PPARGC1A: variants seen among roughly 807,000 people sequenced by gnomAD.
PPARGC1A encodes PPARG coactivator 1 alpha, also known as peroxisome proliferator-activated receptor gamma coactivator 1-alpha.
A neutral mutation model predicts 88.7 loss-of-function variants in PPARGC1A; 25 were observed. The ratio of observed to expected loss-of-function variants is 0.28; its 90% CI spans 0.21 to 0.39. The LOEUF (loss-of-function observed/expected upper bound fraction) is 0.39. Ranked by LOEUF, PPARGC1A falls within the 10% of genes least tolerant of loss-of-function variation. PPARGC1A has a pLI of 1.00. For synonymous variants in PPARGC1A, 363 were observed against 355.6 expected (o/e 1.02, Z -0.24); for missense variants, 880 against 968.7 (o/e 0.91, Z 1.22).
chr4:23,968,696 C>T, the PPARGC1A span, among the ~76,000 whole-genome samples: 5 of 152,088 alleles, frequency 3.3e-5, no homozygotes, highest in African/African-American at 1.2e-4. Flanking sequence ...AGGAGGATCA[C>T]CTGAGGTCAG....
At chr4:24,104,174 G>A in the PPARGC1A span, among the ~76,000 whole-genome samples, 1 of 152,244 alleles carries the variant, frequency 6.6e-6, no homozygotes, top group Non-Finnish European at 1.5e-5. Flanking sequence ...CTAGTGAGAT[G>A]TTTAAGCAGC....
At chr4:24,061,419 G>A in the PPARGC1A span, among the ~76,000 whole-genome samples, 1 of 152,188 alleles carries the variant, frequency 6.6e-6, no homozygotes, top group South Asian at 2.1e-4. Flanking sequence ...CACATAAAAT[G>A]CCTGGCGACA....
the PPARGC1A span, among the ~76,000 whole-genome samples, chr4:24,295,702 ATTATATACAC>A: frequency 6.7e-6 from 1 of 149,988 alleles, no homozygotes; most frequent in Non-Finnish European, 1.5e-5. Flanking sequence ...TATACATTAC[ATTATATACAC>A]ATATACGTAT....
the PPARGC1A span, among the ~76,000 whole-genome samples, chr4:24,084,066 G>A: frequency 6.6e-6 from 1 of 152,140 alleles, no homozygotes; most frequent in Non-Finnish European, 1.5e-5. Flanking sequence ...GCTGATCAGT[G>A]GGTAACCAGC....
At chr4:24,363,890 C>T in the PPARGC1A span, among the ~76,000 whole-genome samples, 1 of 152,118 alleles carries the variant, frequency 6.6e-6, no homozygotes, top group Non-Finnish European at 1.5e-5. Flanking sequence ...TCCATGACTG[C>T]CTTTATGAGT....
chr4:24,339,048 C>T, the PPARGC1A span, among the ~76,000 whole-genome samples: 1 of 151,912 alleles, frequency 6.6e-6, no homozygotes, highest in Non-Finnish European at 1.5e-5. Flanking sequence ...ATTGCTATCC[C>T]TCCCTCCCGT....
intron 2 of PPARGC1A, among the ~76,000 whole-genome samples, chr4:23,863,169 T>G (rs900536908): frequency 6.6e-6 from 1 of 152,082 alleles, no homozygotes; most frequent in Non-Finnish European, 1.5e-5. Flanking sequence ...GCCATATGCA[T>G]TCCTTCCTTT....
chr4:23,864,393 C>T (rs7656250), intron 2 of PPARGC1A, among the ~76,000 whole-genome samples: 119,246 of 152,208 alleles, frequency 0.78, 47,115 homozygotes, highest in African/African-American at 0.89. Context: ...TCATGGTTTC[C>T]GGCAAAATTC....
chr4:23,897,458 C>G (rs1718730454), intron 1 of PPARGC1A, among the ~76,000 whole-genome samples: 1 of 152,134 alleles, frequency 6.6e-6, no homozygotes, highest in Non-Finnish European at 1.5e-5. Context: ...CCTCGGTTTC[C>G]TTATCTGTCA....
chr4:23,857,856 A>G (rs142924772), intron 2 of PPARGC1A, among the ~76,000 whole-genome samples: 92 of 151,892 alleles, frequency 6.1e-4, no homozygotes, highest in African/African-American at 2.1e-3. Flanking sequence ...TCTTTTAGGT[A>G]CTAAGCCTAG....
chr4:23,890,217 T>TA (rs35965035), upstream of PPARGC1A: 280 of 328,968 alleles, frequency 8.5e-4, no homozygotes, highest in East Asian at 4.2e-3. Flanking sequence ...AGTAACGCTT[T>TA]AAAAAAAAAA....
the PPARGC1A span, among the ~76,000 whole-genome samples, chr4:24,465,481 T>C: frequency 6.6e-6 from 1 of 152,202 alleles, no homozygotes; most frequent in African/African-American, 2.4e-5. Context: ...CTGTACACAT[T>C]TACCTCTTCG....
chr4:24,220,168 A>G, the PPARGC1A span, among the ~76,000 whole-genome samples: 3 of 152,232 alleles, frequency 2.0e-5, no homozygotes, highest in East Asian at 3.8e-4. Context: ...CAAAACCTCA[A>G]TGAGATACCA....
rs1553886173 is a variant in PPARGC1A at position 23,835,466 on chromosome 4, T to TTTTG, written c.235-3716_235-3715insCAAA. ...TAAGATGGGAGATTAGCATGGCGGC[T>TTTTG]TGTGTGTGTGTGTGTGTGTGTGTGT... On this transcript the variant is annotated intron_variant, in intron 2 of 12. Transcript: ENST00000264867. 3.0e-5 allele frequency among the ~76,000 whole-genome samples: 4 copies of TTTTG among 135,368 alleles called. No homozygotes were observed. In the South Asian group the frequency reaches 1.1e-3, roughly 36 times the overall value. The allele number at this position is 135,368 out of a possible 152,430, so 88.8% of individuals were successfully genotyped here.
At chr4:24,321,160 C>G in the PPARGC1A span, among the ~76,000 whole-genome samples, 1 of 152,122 alleles carries the variant, frequency 6.6e-6, no homozygotes, top group East Asian at 1.9e-4. Context: ...TTAAATTTGC[C>G]GGTGTCGATT....
the PPARGC1A span, among the ~76,000 whole-genome samples, chr4:24,247,065 T>C: frequency 1.3e-5 from 2 of 152,154 alleles, no homozygotes; most frequent in African/African-American, 2.4e-5. Flanking sequence ...AGCATATGGA[T>C]TGGGTGCAGA....
the PPARGC1A span, among the ~76,000 whole-genome samples, chr4:24,292,742 C>T: frequency 2.8e-5 from 1 of 36,300 alleles, no homozygotes; most frequent in South Asian, 1.4e-3. Context: ...CTCCTTCCTA[C>T]TCCCTCACCC....
the PPARGC1A span, among the ~76,000 whole-genome samples, chr4:24,262,993 C>A: frequency 6.6e-6 from 1 of 152,154 alleles, no homozygotes; most frequent in Non-Finnish European, 1.5e-5. Flanking sequence ...ATTTGGGCTT[C>A]CTTTACTTAA....
intron 2 of PPARGC1A, among the ~76,000 whole-genome samples, chr4:23,838,415 C>G (rs930669973): frequency 2.0e-5 from 3 of 152,080 alleles, no homozygotes; most frequent in African/African-American, 7.2e-5. Context: ...AACCCAATTA[C>G]TTTTTGTTTG....
Sources: allele counts gnomAD v4.1 joint callset (sites outside exome capture counted in the v4.1 genomes callset), GRCh38; gene constraint gnomAD v4.1.1; transcripts MANE v1.5; gene names NCBI Gene and HGNC (gene_info 2026-07-23, HGNC 2026-07-21).